Variants in PDRG1 observed in about 807,000 individuals in gnomAD.
PDRG1 encodes p53 and DNA damage-regulated protein 1.
A neutral mutation model predicts 18.4 loss-of-function variants in PDRG1; 14 were observed. That is an observed-to-expected ratio of 0.76 (90% CI 0.50 to 1.19). The LOEUF is 1.19. PDRG1 is among the 50% of genes most tolerant of loss of function. The probability of loss-of-function intolerance (pLI) is 0.00; values close to 1 mark genes in which losing one functional copy is unlikely to be tolerated. For synonymous variants in PDRG1, 65 were observed against 60.9 expected (o/e 1.07, Z -0.31); for missense variants, 177 against 160.1 (o/e 1.11, Z -0.57).
At chr20:31,948,534 C>T (rs1429604484) in intron 3 of PDRG1, among the ~76,000 whole-genome samples, 2 of 152,204 alleles carry the variant, frequency 1.3e-5, no homozygotes, top group South Asian at 2.1e-4. Context: ...TTATCTGCAG[C>T]CCAACTGATT....
At chr20:31,951,559 C>G (rs1446316915) in intron 1 of PDRG1, among the ~76,000 whole-genome samples, 1 of 152,140 alleles carries the variant, frequency 6.6e-6, no homozygotes, top group Non-Finnish European at 1.5e-5. Flanking sequence ...CAGCTCTCCC[C>G]TGAGGGCCTT....
Position 31,946,576 on chromosome 20 carries a change from T to G in PDRG1, c.239A>C (p.Asp80Ala). The G allele has an allele frequency of 6.2e-7, 1 of 1,610,288 alleles. No homozygotes were observed. The highest frequency in any genetic ancestry group is 8.5e-7 in the Non-Finnish European group (1 of 1,176,732). ...HPETKEMIEK[D>A]QDHLDKEIEK... ...TATTTCTTTATCCAGATGATCTTGA[T>G]CTGAAAAAATGAGGGGGGCAAGCAG... The change falls in exon 4 of 5, where the codon GAT becomes GCT. Residue 80 changes from aspartate (D) to alanine (A), a missense_variant and splice_region_variant. Physicochemically the swap from Asp to Ala is moderately radical, Grantham distance 126 (BLOSUM62 -2). Transcript: ENST00000202017.
intron 3 of PDRG1, among the ~76,000 whole-genome samples, chr20:31,947,253 T>C (rs1051142679): frequency 1.3e-5 from 2 of 152,186 alleles, no homozygotes; most frequent in Non-Finnish European, 2.9e-5. Context: ...CCCCACAGAC[T>C]CACTCTTTCA....
chr20:31,951,779 G>A (rs1456122256), intron 1 of PDRG1, 96 bp downstream of exon 1: 4 of 1,319,036 alleles, frequency 3.0e-6, no homozygotes, highest in East Asian at 2.7e-5. Flanking sequence ...TCGCCTCGGA[G>A]CCGTTAACCG....
intron 1 of PDRG1, among the ~76,000 whole-genome samples, chr20:31,951,136 T>C (rs1189457481): frequency 2.0e-5 from 3 of 152,122 alleles, no homozygotes; most frequent in East Asian, 1.9e-4. Flanking sequence ...TTGCCCAAGT[T>C]TTCCCCTTCT....
intron 2 of PDRG1, among the ~76,000 whole-genome samples, chr20:31,949,972 C>A (rs1405071458): frequency 6.6e-6 from 1 of 152,160 alleles, no homozygotes; most frequent in Non-Finnish European, 1.5e-5. Flanking sequence ...GGCTTTCTTA[C>A]AATTTTCAAT....
chr20:31,946,431 G>C, intron 4 of PDRG1, 65 bp downstream of exon 4: 1 of 1,432,848 alleles, frequency 7.0e-7, no homozygotes, highest in South Asian at 1.1e-5. Flanking sequence ...TCCCATCCCT[G>C]CCCTTCAAAG....
At chr20:31,951,847 G>A (rs1372657680) in intron 1 of PDRG1, 28 bp downstream of exon 1, 20 of 1,537,684 alleles carry the variant, frequency 1.3e-5, no homozygotes, top group African/African-American at 2.8e-5. Context: ...CGGCCGCCAG[G>A]CCCCAGCGCC....
rs2064304680 is a variant in PDRG1 at position 31,945,272 on chromosome 20, GGTGT to G, written c.*531_*534del. 1 of 153,000 alleles carries G rather than the reference GGTGT, an allele frequency of 6.5e-6. No homozygotes were observed. Among genetic ancestry groups the G allele is most frequent in the African/African-American group, 2.4e-5 (1 of 41,474 alleles). 9.5% of individuals were successfully genotyped at this position (153,000 alleles called of 1,614,324 possible). ...AAGTGCAAAATTGGAGCTGGCGGGA[GGTGT>G]GTGTGCCTGCCCCACAGATGGCTGT... On this transcript the variant is annotated 3_prime_UTR_variant, in exon 5 of 5. Coordinates refer to ENST00000202017, the MANE Select transcript of PDRG1 (RefSeq NM_030815.3).
rs2064302921 is a variant in PDRG1, at chr20:31,945,158, T to G, written c.*649A>C. On this transcript the variant is annotated 3_prime_UTR_variant, in exon 5 of 5. Coordinates refer to ENST00000202017, the MANE Select transcript of PDRG1 (RefSeq NM_030815.3). ...AGAGGCGCATCCACTCACCCAGGCC[T>G]GGTGCAGGACTCTGCAAGGCCCTCC... 1 of 152,296 alleles carries G rather than the reference T, an allele frequency of 6.6e-6. No homozygotes were observed. Among genetic ancestry groups the G allele is most frequent in the Non-Finnish European group, 1.5e-5 (1 of 68,114 alleles). 9.4% of individuals were successfully genotyped at this position (152,296 alleles called of 1,614,324 possible). A position where few individuals can be genotyped will look rare whatever the true frequency, so the allele number is the denominator to read the frequency against.
rs776343255 is a variant in PDRG1 at position 31,951,970 on chromosome 20, C to A, written c.-9G>T. ...GCCTCGGGTGATAGCATAGCGCCCA[C>A]CAACTCCGCTTGCGGCTCTCGCGCG... On this transcript the variant is annotated 5_prime_UTR_variant, in exon 1 of 5. Transcript: ENST00000202017. 1 of 1,553,538 alleles carries A rather than the reference C, an allele frequency of 6.4e-7. No individual in the cohort carries two copies. The highest frequency in any genetic ancestry group is 1.2e-5 in the South Asian group (1 of 83,258).
In PDRG1 at chr20:31,951,966, CCCA is replaced by C. The variant is rs1331533846; in HGVS notation, c.-8_-6del. ...CTCTGCCTCGGGTGATAGCATAGCG[CCCA>C]CCAACTCCGCTTGCGGCTCTCGCGC... is the stretch of plus-strand genomic sequence containing the variant. On this transcript the variant is annotated 5_prime_UTR_variant, in exon 1 of 5. Coordinates refer to ENST00000202017, the MANE Select transcript of PDRG1 (RefSeq NM_030815.3). The C allele has an allele frequency of 3.9e-6, 6 of 1,554,822 alleles. No homozygotes were observed. Among genetic ancestry groups the C allele is most frequent in the East Asian group, 2.5e-5 (1 of 39,554 alleles).
intron 3 of PDRG1, among the ~76,000 whole-genome samples, chr20:31,948,424 C>T (rs1177465748): frequency 6.6e-6 from 1 of 152,252 alleles, no homozygotes; most frequent in East Asian, 1.9e-4. Context: ...GGTGCCACTG[C>T]TGGGCATCTA....
chr20:31,946,369 C>T, intron 4 of PDRG1, 127 bp downstream of exon 4: 1 of 856,220 alleles, frequency 1.2e-6, no homozygotes, highest in East Asian at 2.4e-5. Flanking sequence ...TGCACACCTC[C>T]AGGGCCACTC....
rs747706478 is a variant in PDRG1, at chr20:31,944,840, C to T, written c.*967G>A. On this transcript the variant is annotated 3_prime_UTR_variant, in exon 5 of 5. Transcript: ENST00000202017. Reference sequence around the variant, plus strand: ...TGCCATGCTGCCATTTGTTATCACCCGCCTGTCAAATCACAGGTTTATTTC... The same window carrying T: ...TGCCATGCTGCCATTTGTTATCACCTGCCTGTCAAATCACAGGTTTATTTC... The T allele has an allele frequency of 5.9e-5, 9 of 152,194 alleles. No homozygotes were observed. Among genetic ancestry groups the T allele is most frequent in the Non-Finnish European group, 1.2e-4 (8 of 68,054 alleles). 9.4% of individuals were successfully genotyped at this position (152,194 alleles called of 1,614,324 possible).
chr20:31,946,465 T>G (rs762266367), intron 4 of PDRG1, 31 bp downstream of exon 4: 144 of 1,552,556 alleles, frequency 9.3e-5, no homozygotes, highest in Non-Finnish European at 1.2e-4. Context: ...TTCCCTCCCC[T>G]TCTTATCTCC....
intron 2 of PDRG1, among the ~76,000 whole-genome samples, chr20:31,949,760 C>T (rs983450434): frequency 2.0e-5 from 3 of 152,092 alleles, no homozygotes; most frequent in Non-Finnish European, 4.4e-5. Context: ...AGATTCTGCA[C>T]ATTCTAGTGT....
chr20:31,947,532 A>C (rs895889364), intron 3 of PDRG1, among the ~76,000 whole-genome samples: 1 of 152,250 alleles, frequency 6.6e-6, no homozygotes, highest in African/African-American at 2.4e-5. Flanking sequence ...CCATAATATT[A>C]GTGTATTTTT....
In PDRG1 at chr20:31,951,945, G is replaced by A; in HGVS notation, c.17C>T (p.Ala6Val). 3.8e-6 allele frequency: 6 copies of A among 1,578,140 alleles called. No individual in the cohort carries two copies. Among genetic ancestry groups the A allele is most frequent in the South Asian group, 2.3e-5 (2 of 85,962 alleles). MLSPE[A>V]ERVLRYLVEV... ...TACAAGGTACCGCAGCACTCGCTCT[G>A]CCTCGGGTGATAGCATAGCGCCCAC... The change falls in exon 1 of 5, where the codon GCA (alanine) becomes GTA (valine). Residue 6 changes from alanine to valine, a missense_variant. Transcript: ENST00000202017.
Sources: allele counts gnomAD v4.1 joint callset (sites outside exome capture counted in the v4.1 genomes callset), GRCh38; gene constraint gnomAD v4.1.1; transcripts MANE v1.5; gene names NCBI Gene and HGNC (gene_info 2026-07-23, HGNC 2026-07-21).